The following SBNO2 variants were observed in gnomAD, a reference collection of about 807,000 sequenced individuals.
The protein encoded by SBNO2 is protein strawberry notch homolog 2.
SBNO2 carries 89 observed loss-of-function variants against 146.3 expected under a neutral mutation model. The observed-to-expected ratio is 0.61, with a 90% confidence interval of 0.51 to 0.73. SBNO2 has a LOEUF of 0.73. Among genes scored for constraint, SBNO2 ranks in the 30% least tolerant of loss-of-function variants. The probability of loss-of-function intolerance (pLI) is 0.00; values close to 1 mark genes in which losing one functional copy is unlikely to be tolerated. For synonymous variants in SBNO2, 1,147 were observed against 892.6 expected (o/e 1.29, Z -5.08); for missense variants, 2,092 against 2,003.7 (o/e 1.04, Z -0.84).
chr19:1,168,478 G>A (rs367550819), intron 1 of SBNO2, among the ~76,000 whole-genome samples: 7 of 152,294 alleles, frequency 4.6e-5, no homozygotes, highest in African/African-American at 1.7e-4. Context: ...GCCCTGAGAA[G>A]CTCCTCACCG....
chr19:1,134,745 C>G (rs1256233448), intron 4 of SBNO2, among the ~76,000 whole-genome samples: 1 of 152,090 alleles, frequency 6.6e-6, no homozygotes, highest in Non-Finnish European at 1.5e-5. Flanking sequence ...TGTGAATATA[C>G]TTTTTTAAAG....
intron 17 of SBNO2, 180 bp downstream of exon 17, chr19:1,115,841 T>C: frequency 1.6e-6 from 1 of 639,822 alleles, no homozygotes. Flanking sequence ...AAGCGTTCCA[T>C]GGCAGGGTCC....
intron 1 of SBNO2, among the ~76,000 whole-genome samples, chr19:1,171,828 G>A (rs898990224): frequency 6.6e-6 from 1 of 152,166 alleles, no homozygotes; most frequent in Non-Finnish European, 1.5e-5. Flanking sequence ...CAGGTGAGAG[G>A]GCAGTGACTG....
intron 1 of SBNO2, among the ~76,000 whole-genome samples, chr19:1,165,353 A>G (rs1225972743): frequency 1.3e-5 from 2 of 152,156 alleles, no homozygotes; most frequent in Admixed American, 6.5e-5. Flanking sequence ...TGGAAGCCAC[A>G]GGGCCAGGGG....
chr19:1,116,786 G>A, intron 16 of SBNO2, 43 bp downstream of exon 16: 3 of 1,501,626 alleles, frequency 2.0e-6, no homozygotes, highest in Admixed American at 2.0e-5. Flanking sequence ...GGGTGGCCAT[G>A]AGCGCAGGAA....
Position 1,110,820 on chromosome 19 carries a change from G to A in SBNO2, c.2953C>T (p.Gln985Ter), listed in dbSNP as rs748347096. ...LEVHKQNALF[Q>*]YFSDTFDHLI... ...TGGTCGAAGGTGTCTGAGAAGTACTGGAACAGGGCGTTCTGCTTGTGCACC... is the reference window on the plus strand; with the variant it reads ...TGGTCGAAGGTGTCTGAGAAGTACTAGAACAGGGCGTTCTGCTTGTGCACC... Residue 985 changes from glutamine to a stop codon, truncating the protein, a stop_gained, in exon 26 of 32, where the codon CAG (glutamine) becomes TAG (stop). Coordinates refer to ENST00000361757, the MANE Select transcript of SBNO2 (RefSeq NM_014963.3). LOFTEE classifies it high-confidence loss of function. The surrounding 1 kb of genome is among the most constrained non-coding windows in gnomAD (Gnocchi z 4.9). The A allele has an allele frequency of 6.2e-7, 1 of 1,613,516 alleles. No homozygotes were observed. The highest frequency in any genetic ancestry group is 1.3e-5 in the African/African-American group (1 of 74,860).
At position 1,140,283 on chromosome 19, in the gene SBNO2, G is replaced by A. The variant is rs1484653242; in HGVS notation, c.279+7026C>T. Among the ~76,000 whole-genome samples the A allele has an allele frequency of 6.6e-6, 1 of 150,946 alleles. No homozygotes were observed. The highest frequency in any genetic ancestry group is 2.4e-5 in the African/African-American group (1 of 41,046). ...CCACTGCACTCCAGCCTGGGCGACA[G>A]AGCGAGATTTCATCTCAAAAAAAAA... On this transcript the variant is annotated intron_variant, in intron 4 of 31. Coordinates refer to ENST00000361757, the MANE Select transcript of SBNO2 (RefSeq NM_014963.3). The surrounding 1 kb of genome is among the most constrained non-coding windows in gnomAD (Gnocchi z 4.4).
Position 1,157,112 on chromosome 19 carries a change from G to C in SBNO2, c.-126-2710C>G, listed in dbSNP as rs1202707559. ...AGCCCCTAGCCCTGCCTGCAGACTCGGTCCTGTCCGAGGGCCCACGCCCCC... is the reference window on the plus strand; with the variant it reads ...AGCCCCTAGCCCTGCCTGCAGACTCCGTCCTGTCCGAGGGCCCACGCCCCC... On this transcript the variant is annotated intron_variant, in intron 1 of 31. Coordinates refer to ENST00000361757, the MANE Select transcript of SBNO2 (RefSeq NM_014963.3). The surrounding 1 kb of genome is among the most constrained non-coding windows in gnomAD (Gnocchi z 6.8). 3.3e-5 allele frequency among the ~76,000 whole-genome samples: 5 copies of C among 151,656 alleles called. No homozygotes were observed. The highest frequency in any genetic ancestry group is 1.2e-4 in the African/African-American group (5 of 41,228).
chr19:1,122,607 GCTTCC>G, intron 9 of SBNO2, 46 bp downstream of exon 9: 2 of 207,730 alleles, frequency 9.6e-6, no homozygotes, highest in Non-Finnish European at 1.4e-5. Flanking sequence ...CTCGCCCCCC[GCTTCC>G]GCCCCCCACC....
intron 6 of SBNO2, 50 bp from the exon 7 acceptor site, chr19:1,123,689 G>A (rs1213043287): frequency 7.2e-6 from 11 of 1,522,762 alleles, no homozygotes; most frequent in East Asian, 2.4e-5. Context: ...GAGCGGCCGC[G>A]GGCACTGGGC....
At chr19:1,111,638 G>A in intron 23 of SBNO2, 24 bp from the exon 24 acceptor site, 6 of 1,536,880 alleles carry the variant, frequency 3.9e-6, no homozygotes, top group Non-Finnish European at 5.3e-6. Context: ...GTGACTCGGG[G>A]AGGAGGCCCA....
intron 10 of SBNO2, 37 bp from the exon 11 acceptor site, chr19:1,122,319 G>C: frequency 6.5e-7 from 1 of 1,527,442 alleles, no homozygotes. Flanking sequence ...ATGGGGCCCC[G>C]GCTCAGCAGG....
chr19:1,108,321 C>G lies in SBNO2; in HGVS notation c.4000G>C (p.Gly1334Arg). 1 of 1,408,248 alleles carries G rather than the reference C, an allele frequency of 7.1e-7. No homozygotes were observed. The highest frequency in any genetic ancestry group is 3.4e-5 in the East Asian group (1 of 29,684). The allele number at this position is 1,408,248 out of a possible 1,614,324, so 87.2% of individuals were successfully genotyped here. A position where few individuals can be genotyped will look rare whatever the true frequency, so the allele number is the denominator to read the frequency against. The change falls in exon 32 of 32, where the codon GGG becomes CGG. Residue 1334 changes from glycine to arginine, a missense_variant. By Grantham distance (125) the Gly-to-Arg change is moderately radical (BLOSUM62 -2). Transcript: ENST00000361757. ...GCGCCCCCCGCCCCCGCGCCCTCCC[C>G]CAGCGCGCCCTCGGAGGGCGGCCCC... is the stretch of plus-strand genomic sequence containing the variant. The part of the protein sequence containing the change: ...HAGPPSEGAL[G>R]EGAGAGGAAG...
intron 4 of SBNO2, among the ~76,000 whole-genome samples, chr19:1,145,195 G>T (rs1037581040): frequency 6.6e-6 from 1 of 151,748 alleles, no homozygotes; most frequent in African/African-American, 2.4e-5. Flanking sequence ...GGCCGGGCAC[G>T]GTGGCTCACG....
At chr19:1,128,436 G>A (rs1486559525) in intron 4 of SBNO2, 14 of 287,206 alleles carry the variant, frequency 4.9e-5, no homozygotes, top group East Asian at 1.5e-4. Flanking sequence ...ACTGTCGCCC[G>A]GGCTGGAGTG....
intron 14 of SBNO2, among the ~76,000 whole-genome samples, chr19:1,118,807 G>A (rs1397263535): frequency 6.6e-6 from 1 of 152,114 alleles, no homozygotes; most frequent in Admixed American, 6.6e-5. Flanking sequence ...AAGAGGCAGA[G>A]GTTGCAGTGA....
chr19:1,123,794 A>AG, intron 6 of SBNO2, 148 bp downstream of exon 6: 3 of 1,054,412 alleles, frequency 2.8e-6, no homozygotes, highest in Non-Finnish European at 4.1e-6. Flanking sequence ...GTGCTCCCCC[A>AG]GGGCCTCCAT....
chr19:1,108,694 G>A lies in SBNO2; in HGVS notation c.3627C>T (p.Ile1209=), dbSNP rs541518951. Reference sequence around the variant, plus strand: ...GCACCCGGCGCACGCAGCCCTCGGGGATCTTGATGCCTGCGGGCAGAGCGT... The same window carrying A: ...GCACCCGGCGCACGCAGCCCTCGGGAATCTTGATGCCTGCGGGCAGAGCGT... ...KDRKKQVGIK[I]PEGCVRRVLQ... The change falls in exon 32 of 32, where the codon ATC becomes ATT. Residue 1209 remains isoleucine, a synonymous_variant. Transcript: ENST00000361757. 3.0e-5 allele frequency: 46 copies of A among 1,548,132 alleles called. No homozygotes were observed. The highest frequency in any genetic ancestry group is 1.4e-4 in the South Asian group (12 of 85,218).
At chr19:1,116,261 G>A (rs2079830846) in intron 16 of SBNO2, among the ~76,000 whole-genome samples, 158 bp from the exon 17 acceptor site, 1 of 152,094 alleles carries the variant, frequency 6.6e-6, no homozygotes, top group African/African-American at 2.4e-5. Flanking sequence ...GGGGAGGACT[G>A]GGGGCTGCCT....
Sources: allele counts gnomAD v4.1 joint callset (sites outside exome capture counted in the v4.1 genomes callset), GRCh38; gene constraint gnomAD v4.1.1; non-coding constraint Gnocchi (gnomAD v3.1); transcripts MANE v1.5; gene names NCBI Gene and HGNC (gene_info 2026-07-23, HGNC 2026-07-21).